Variants in SEMA6A observed in about 807,000 individuals in gnomAD.
The protein encoded by SEMA6A is semaphorin 6A, also known as semaphorin-6A.
SEMA6A carries 25 observed loss-of-function variants against 96.8 expected under a neutral mutation model. The observed-to-expected ratio is 0.26, with a 90% CI of 0.19 to 0.36. The LOEUF (loss-of-function observed/expected upper bound fraction) is 0.36. SEMA6A is among the 10% of genes least tolerant of loss of function. The pLI is 1.00. For synonymous variants in SEMA6A, 612 were observed against 518.0 expected (o/e 1.18, Z -2.46); for missense variants, 1,363 against 1,323.1 (o/e 1.03, Z -0.47).
chr5:116,510,601 T>C (rs181380501), intron 1 of SEMA6A, among the ~76,000 whole-genome samples: 20 of 152,298 alleles, frequency 1.3e-4, no homozygotes, highest in African/African-American at 4.3e-4. Context: ...TAAAAATTAC[T>C]TTTTAATAGC....
intron 1 of SEMA6A, among the ~76,000 whole-genome samples, chr5:116,511,636 T>C (rs1284956033): frequency 1.3e-5 from 2 of 152,228 alleles, no homozygotes; most frequent in African/African-American, 2.4e-5. Flanking sequence ...GATAAAAATC[T>C]ATAAAGGGAG....
intron 10 of SEMA6A, among the ~76,000 whole-genome samples, chr5:116,483,343 G>C (rs1756885555): frequency 6.6e-6 from 1 of 152,092 alleles, no homozygotes; most frequent in African/African-American, 2.4e-5. Context: ...ACCCACATTT[G>C]TTTTTGACTA....
intron 6 of SEMA6A, among the ~76,000 whole-genome samples, chr5:116,493,024 T>C (rs1013770302): frequency 9.2e-5 from 14 of 152,196 alleles, no homozygotes; most frequent in Admixed American, 4.6e-4. Context: ...GCGCTAGGCA[T>C]ATTGTTGGGA....
intron 1 of SEMA6A, among the ~76,000 whole-genome samples, chr5:116,548,019 T>C (rs542185525): frequency 2.0e-5 from 3 of 152,246 alleles, no homozygotes; most frequent in Non-Finnish European, 4.4e-5. Context: ...AGACCACCTA[T>C]CCTATCACTT....
At chr5:116,549,010 T>C (rs1345088905) in intron 1 of SEMA6A, among the ~76,000 whole-genome samples, 1 of 152,118 alleles carries the variant, frequency 6.6e-6, no homozygotes, top group East Asian at 1.9e-4. Flanking sequence ...AAAGACCAAA[T>C]AAGCACTTTT....
At chr5:116,497,411 C>A in intron 3 of SEMA6A, 24 bp from the exon 4 acceptor site, 3 of 1,424,252 alleles carry the variant, frequency 2.1e-6, no homozygotes, top group South Asian at 2.4e-5. Flanking sequence ...AAAATTAATA[C>A]AAGGTCAAAC....
chr5:116,472,780 G>GT, intron 17 of SEMA6A: 1 of 855,536 alleles, frequency 1.2e-6, no homozygotes, highest in Non-Finnish European at 1.7e-6. Flanking sequence ...GGGCCCTAAA[G>GT]TAACAAAGAA....
intron 7 of SEMA6A, among the ~76,000 whole-genome samples, chr5:116,490,677 G>C (rs1757289047): frequency 6.6e-6 from 1 of 152,138 alleles, no homozygotes; most frequent in Admixed American, 6.5e-5. Flanking sequence ...TGCAGATCCA[G>C]GCCCACAAAT....
At chr5:116,514,078 A>G (rs756544131) in intron 1 of SEMA6A, among the ~76,000 whole-genome samples, 1 of 152,188 alleles carries the variant, frequency 6.6e-6, no homozygotes, top group African/African-American at 2.4e-5. Context: ...GAACAATAGC[A>G]GTGCTGCACT....
intron 18 of SEMA6A, among the ~76,000 whole-genome samples, chr5:116,466,781 A>G (rs528776858): frequency 2.0e-5 from 3 of 152,322 alleles, no homozygotes; most frequent in African/African-American, 7.2e-5. Flanking sequence ...GCTCAGCAAC[A>G]TAACTGGGCT....
intron 1 of SEMA6A, among the ~76,000 whole-genome samples, chr5:116,509,404 A>G (rs897690616): frequency 2.6e-5 from 4 of 152,318 alleles, no homozygotes; most frequent in African/African-American, 9.6e-5. Flanking sequence ...AAGATAACCA[A>G]CAATTCATGC....
At chr5:116,462,396 G>A (rs932616792) in intron 18 of SEMA6A, among the ~76,000 whole-genome samples, 2 of 152,154 alleles carry the variant, frequency 1.3e-5, no homozygotes, top group African/African-American at 2.4e-5. Context: ...CAGCAAAATA[G>A]ATGAAAAGTG....
intron 16 of SEMA6A, 138 bp from the exon 17 acceptor site, chr5:116,473,231 G>T: frequency 1.3e-6 from 1 of 781,412 alleles, no homozygotes; most frequent in Non-Finnish European, 2.1e-6. Context: ...TTTAATTTCT[G>T]CGTGTAATGT....
chr5:116,470,589 A>G (rs1756064593), intron 17 of SEMA6A, among the ~76,000 whole-genome samples: 1 of 152,216 alleles, frequency 6.6e-6, no homozygotes, highest in African/African-American at 2.4e-5. Context: ...CACAAAACAG[A>G]GACACTAAAT....
rs1756689258 is a variant in SEMA6A at position 116,480,379 on chromosome 5, T to C, written c.1095-102A>G. On this transcript the variant is annotated intron_variant, in intron 11 of 18. Transcript: ENST00000343348. ...TCTAAGCATCTGGAATGGAGGAGAA[T>C]GTACTGCAGCCTGAGAGGAGGAAGT... The C allele has an allele frequency of 4.4e-6, 6 of 1,377,906 alleles. No homozygotes were observed. In the South Asian group the frequency reaches 5.1e-5, roughly 12 times the overall value. 85.4% of individuals were successfully genotyped at this position (1,377,906 alleles called of 1,614,324 possible). A position where few individuals can be genotyped will look rare whatever the true frequency, so the allele number is the denominator to read the frequency against.
chr5:116,569,662 G>T (rs939900144), intron 1 of SEMA6A, among the ~76,000 whole-genome samples: 6 of 152,182 alleles, frequency 3.9e-5, no homozygotes, highest in African/African-American at 1.4e-4. Flanking sequence ...AACACCTGAA[G>T]GAAGCCTGCA....
At chr5:116,551,528 C>G (rs1025170330) in intron 1 of SEMA6A, among the ~76,000 whole-genome samples, 3 of 152,122 alleles carry the variant, frequency 2.0e-5, no homozygotes, top group Non-Finnish European at 4.4e-5. Context: ...AAGGCAGATG[C>G]TATTACTACT....
chr5:116,510,002 G>A (rs1758333638), intron 1 of SEMA6A, among the ~76,000 whole-genome samples: 1 of 152,070 alleles, frequency 6.6e-6, no homozygotes, highest in Non-Finnish European at 1.5e-5. Flanking sequence ...GGGATAATCA[G>A]CGTGTCAATG....
At chr5:116,572,460 A>G (rs1162904741) in intron 1 of SEMA6A, among the ~76,000 whole-genome samples, 2 of 152,182 alleles carry the variant, frequency 1.3e-5, no homozygotes, top group South Asian at 2.1e-4. Context: ...CTGTGAAGAC[A>G]GCGCCTCCAG....
Sources: gnomAD v4.1 joint callset for allele counts (sites outside exome capture counted in the v4.1 genomes callset) on GRCh38, gnomAD v4.1.1 for gene constraint, MANE v1.5 for transcripts, NCBI Gene and HGNC (gene_info 2026-07-23, HGNC 2026-07-21) for gene names.